The following FN1 variants were observed in gnomAD, a reference collection of about 807,000 sequenced individuals.
FN1 encodes fibronectin 1, also known as fibronectin.
A neutral mutation model predicts 297.3 loss-of-function variants in FN1; 106 were observed. The observed-to-expected ratio is 0.36, with a 90% CI of 0.30 to 0.42. FN1 has a LOEUF of 0.42. Among genes scored for constraint, FN1 ranks in the 10% least tolerant of loss-of-function variants. The pLI, the probability that FN1 is intolerant of heterozygous loss-of-function variation, is 1.00. For synonymous variants in FN1, 1,149 were observed against 1,152.6 expected, an observed-to-expected ratio of 1.00 and a Z score of 0.06; for missense variants, 2,690 against 3,124.9, an observed-to-expected ratio of 0.86 and a Z score of 3.32.
intron 27 of FN1, 123 bp from the exon 28 acceptor site, chr2:215,387,081 C>T (rs904397204): frequency 1.1e-5 from 9 of 788,318 alleles, no homozygotes; most frequent in Non-Finnish European, 1.8e-5. Context: ...CTCATCAATA[C>T]CATGATTTGC....
At chr2:215,366,169 C>T (rs2054571050) in intron 42 of FN1, among the ~76,000 whole-genome samples, 1 of 151,920 alleles carries the variant, frequency 6.6e-6, no homozygotes, top group South Asian at 2.1e-4. Context: ...TATCATTTAC[C>T]ATTTTCTAGG....
intron 9 of FN1, 36 bp from the exon 10 acceptor site, chr2:215,422,279 T>C (rs1332395722): frequency 1.2e-6 from 2 of 1,602,918 alleles, no homozygotes; most frequent in Non-Finnish European, 1.7e-6. Flanking sequence ...ACTTGATAAA[T>C]GATCACCAGG....
chr2:215,404,478 TTC>T lies in FN1; in HGVS notation c.3162_3163del (p.Asn1055SerfsTer6). 1 of 1,614,096 alleles carries T rather than the reference TTC, an allele frequency of 6.2e-7. No individual in the cohort carries two copies. Among genetic ancestry groups the T allele is most frequent in the Non-Finnish European group, 8.5e-7 (1 of 1,180,002 alleles). ...GGTGTACTCAGATGCAGGCTGCAGATTCCTCAGTGGGTACTTGGAGACAGAGG... is the reference window on the plus strand; with the variant it reads ...GGTGTACTCAGATGCAGGCTGCAGATCTCAGTGGGTACTTGGAGACAGAGG... On this transcript the variant is annotated frameshift_variant, in exon 20 of 46. Coordinates refer to ENST00000354785, the MANE Select transcript of FN1 (RefSeq NM_212482.4). LOFTEE classifies it high-confidence loss of function.
chr2:215,407,643 A>G (rs1559501199), intron 17 of FN1, among the ~76,000 whole-genome samples: 1 of 152,158 alleles, frequency 6.6e-6, no homozygotes, highest in Non-Finnish European at 1.5e-5. Context: ...TGAGCTCCAG[A>G]CGAGGGAAGC....
rs55706546 is a variant in FN1 at position 215,370,306 on chromosome 2, C to T, written c.6841G>A (p.Val2281Met). Residue 2281 changes from valine to methionine, a missense_variant, in exon 41 of 46, where the codon GTG becomes ATG. Val to Met is a conservative substitution (Grantham distance 21). This residue lies in a region of FN1 where 1,743 missense variants were observed against 1,945.2 expected (regional missense o/e 0.90). Transcript: ENST00000354785. ...CGTGTTTACATACCAGAGTTGCCCA[C>T]GGTAACAACCTCTTCCCGAACCTTA... is the stretch of plus-strand genomic sequence containing the variant. ...RHKVREEVVT[V>M]GNSVNEGLNQ... 1.5e-3 allele frequency: 2,427 copies of T among 1,613,958 alleles called. 2 individuals are homozygous for T. The highest frequency in any genetic ancestry group is 1.9e-3 in the Non-Finnish European group (2,214 of 1,179,970).
chr2:215,435,664 G>C lies in FN1; in HGVS notation c.139C>G (p.Gln47Glu). 1 of 1,613,494 alleles carries C rather than the reference G, an allele frequency of 6.2e-7. No individual in the cohort carries two copies. Among genetic ancestry groups the C allele is most frequent in the Non-Finnish European group, 8.5e-7 (1 of 1,179,984 alleles). Residue 47 changes from glutamine to glutamate, a missense_variant, in exon 1 of 46, where the codon CAA (glutamine) becomes GAA (glutamate). Transcript: ENST00000354785. Reference sequence around the variant, plus strand: ...CGCGGTCAGTACTCACGCTTGCTTTGACTGACAGCCACCGGGGACTGGGGC... The same window carrying C: ...CGCGGTCAGTACTCACGCTTGCTTTCACTGACAGCCACCGGGGACTGGGGC... ...VQPQSPVAVS[Q>E]SKPGCYDNGK... is the part of the protein sequence containing the mutation.
rs1208261608 is a variant in FN1, at chr2:215,361,412, T to C, written c.*143A>G. 1 of 764,996 alleles carries C rather than the reference T, an allele frequency of 1.3e-6. No individual in the cohort carries two copies. Among genetic ancestry groups the C allele is most frequent in the Non-Finnish European group, 2.4e-6 (1 of 413,344 alleles). 47.4% of individuals were successfully genotyped at this position (764,996 alleles called of 1,614,324 possible). A position where few individuals can be genotyped will look rare whatever the true frequency, so the allele number is the denominator to read the frequency against. ...GGGTGATGCTTGGAGAAGCTGTGAG[T>C]TGAGCTGAAGCTGGAGAACTTCCTC... On this transcript the variant is annotated 3_prime_UTR_variant, in exon 46 of 46. Transcript: ENST00000354785.
chr2:215,362,049 C>G lies in FN1; in HGVS notation c.7282G>C (p.Gly2428Arg). The G allele has an allele frequency of 6.2e-7, 1 of 1,614,028 alleles. No individual in the cohort carries two copies. Among genetic ancestry groups the G allele is most frequent in the Non-Finnish European group, 8.5e-7 (1 of 1,179,998 alleles). ...GWRCDNCRRPGGEPSPEGTTG... is the reference protein window; with the variant it reads ...GWRCDNCRRPRGEPSPEGTTG... ...GTGCCTTCGGGACTGGGTTCACCCCCAGGTCTGCGGCAGTTGTCACAGCGC... is the reference window on the plus strand; with the variant it reads ...GTGCCTTCGGGACTGGGTTCACCCCGAGGTCTGCGGCAGTTGTCACAGCGC... The change falls in exon 45 of 46, where the codon GGG becomes CGG. Residue 2428 changes from glycine (G) to arginine (R), a missense_variant. Coordinates refer to ENST00000354785, the MANE Select transcript of FN1 (RefSeq NM_212482.4).
intron 13 of FN1, among the ~76,000 whole-genome samples, chr2:215,412,760 C>CTTTTTCT (rs2062845613): frequency 1.0e-5 from 1 of 97,570 alleles, no homozygotes; most frequent in Non-Finnish European, 2.0e-5. Flanking sequence ...TATTAAGTAT[C>CTTTTTCT]TTTTTTTTTT....
At chr2:215,399,176 G>A in intron 21 of FN1, 81 bp downstream of exon 21, 4 of 1,053,194 alleles carry the variant, frequency 3.8e-6, no homozygotes, top group Non-Finnish European at 5.9e-6. Flanking sequence ...CCTGACTCCT[G>A]AGCACCCTGT....
Position 215,361,645 on chromosome 2 carries a change from G to A in FN1, c.7363-19C>T, listed in dbSNP as rs201573768. On this transcript the variant is annotated intron_variant, in intron 45 of 45. Transcript: ENST00000354785. ...TAACATTCTGTTAAAAAGGAAGAAG[G>A]AAAAAAAAATTAGTGGCAAATACTG... 3.0e-4 allele frequency: 473 copies of A among 1,579,014 alleles called. 2 individuals are homozygous for A. The African/African-American group carries it at 5.8e-3, about 19-fold the overall frequency.
In FN1 at chr2:215,433,278, T is replaced by C. The variant is rs2066852672; in HGVS notation, c.415+46A>G. The stretch of plus-strand genomic sequence containing the variant: ...AATGACAGTGATGGTAACAGAGAAA[T>C]TCATATTTGATATTTTGGCATCATT... On this transcript the variant is annotated intron_variant, in intron 3 of 45. Coordinates refer to ENST00000354785, the MANE Select transcript of FN1 (RefSeq NM_212482.4). 3 of 1,607,900 alleles carry C rather than the reference T, an allele frequency of 1.9e-6. No individual in the cohort carries two copies. In the African/African-American group the frequency reaches 4.0e-5, roughly 21 times the overall value.
intron 32 of FN1, 135 bp downstream of exon 32, chr2:215,382,077 G>A: frequency 1.5e-6 from 1 of 684,742 alleles, no homozygotes; most frequent in South Asian, 1.5e-5. Flanking sequence ...GTTCGTAAAG[G>A]GCTCAGCTCA....
chr2:215,365,414 T>C (rs1180682689), intron 43 of FN1, 91 bp downstream of exon 43: 14 of 1,384,814 alleles, frequency 1.0e-5, no homozygotes, highest in Middle Eastern at 1.8e-4. Flanking sequence ...AGACCTAAAG[T>C]CTCCAATCAT....
At chr2:215,387,701 G>A (rs550560490) in intron 27 of FN1, among the ~76,000 whole-genome samples, 5 of 152,170 alleles carry the variant, frequency 3.3e-5, no homozygotes, top group African/African-American at 4.8e-5. Context: ...GAAGCAAGTG[G>A]ACTATAAATA....
chr2:215,391,890 A>T, intron 25 of FN1, 76 bp from the exon 26 acceptor site: 1 of 1,292,640 alleles, frequency 7.7e-7, no homozygotes, highest in Non-Finnish European at 1.1e-6. Context: ...GGAAAGGTAA[A>T]ATCAATATTT....
At chr2:215,389,289 A>G (rs938641768) in intron 26 of FN1, among the ~76,000 whole-genome samples, 16 of 151,920 alleles carry the variant, frequency 1.1e-4, no homozygotes, top group Non-Finnish European at 2.4e-4. Flanking sequence ...TTTTTAATAG[A>G]GACGGGGCTT....
At chr2:215,395,022 C>A (rs779239262) in intron 23 of FN1, among the ~76,000 whole-genome samples, 4 of 152,098 alleles carry the variant, frequency 2.6e-5, no homozygotes, top group Non-Finnish European at 4.4e-5. Context: ...AAATCTTGAA[C>A]CAGGGGAGTG....
intron 13 of FN1, among the ~76,000 whole-genome samples, chr2:215,411,769 C>T (rs771246987): frequency 5.3e-5 from 8 of 151,124 alleles, no homozygotes; most frequent in East Asian, 1.9e-4. Context: ...TGGTTTCAAG[C>T]GATTCTCCTG....
Sources: gnomAD v4.1 joint callset for allele counts (sites outside exome capture counted in the v4.1 genomes callset) on GRCh38, gnomAD v4.1.1 for gene constraint, gnomAD v4.1.1 regional missense constraint, MANE v1.5 for transcripts, NCBI Gene and HGNC (gene_info 2026-07-23, HGNC 2026-07-21) for gene names.